Variants in GPC5 observed in about 807,000 individuals in gnomAD.
GPC5 encodes glypican-5.
In GPC5, 47 loss-of-function variants were observed where a neutral mutation model predicts 53.9. The observed-to-expected ratio is 0.87, with a 90% CI of 0.69 to 1.11. The LOEUF (loss-of-function observed/expected upper bound fraction) is 1.11. Among genes scored for constraint, GPC5 ranks in the 50% most tolerant of loss-of-function variants. GPC5 has a pLI of 0.00. For missense variants in GPC5, 748 were observed against 713.1 expected (o/e 1.05, Z -0.56); for synonymous variants, 286 against 263.3 (o/e 1.09, Z -0.84).
At chr13:92,632,485 T>TAC (rs1555297294) in intron 7 of GPC5, among the ~76,000 whole-genome samples, 2,988 of 137,610 alleles carry the variant, frequency 0.022, 131 homozygotes, top group African/African-American at 0.074. Context: ...TATATATATA[T>TAC]ACACATATAT....
intron 4 of GPC5, among the ~76,000 whole-genome samples, chr13:91,732,794 C>T (rs1005760950): frequency 2.0e-5 from 3 of 152,088 alleles, no homozygotes. Flanking sequence ...TTTCCCATTG[C>T]TTGTTTTTAT....
chr13:91,593,910 C>CT (rs2032898854), intron 2 of GPC5, among the ~76,000 whole-genome samples: 1 of 126,658 alleles, frequency 7.9e-6, no homozygotes, highest in African/African-American at 3.0e-5. Flanking sequence ...TCACAAAGAA[C>CT]TAAAAAAAAA....
chr13:92,129,666 A>G (rs1224595787), intron 6 of GPC5, among the ~76,000 whole-genome samples: 3 of 152,232 alleles, frequency 2.0e-5, no homozygotes, highest in African/African-American at 7.2e-5. Flanking sequence ...TAGACATTCT[A>G]AAACAGAAAT....
chr13:91,706,800 AAAG>A (rs1288915078), intron 3 of GPC5, among the ~76,000 whole-genome samples: 9 of 152,208 alleles, frequency 5.9e-5, no homozygotes, highest in African/African-American at 2.2e-4. Context: ...CAAAAACAAA[AAAG>A]AAAATGAAAA....
intron 7 of GPC5, among the ~76,000 whole-genome samples, chr13:92,681,854 T>C (rs577160073): frequency 3.3e-5 from 5 of 152,368 alleles, no homozygotes; most frequent in African/African-American, 1.2e-4. Flanking sequence ...TGTGGTGGAA[T>C]TCAGTCTTCA....
chr13:92,432,666 C>T (rs546881380), intron 7 of GPC5, among the ~76,000 whole-genome samples: 9 of 151,698 alleles, frequency 5.9e-5, no homozygotes, highest in Admixed American at 2.0e-4. Context: ...TGAGCCATGA[C>T]GCCTGGCCAT....
At chr13:92,209,002 A>T (rs936130921) in intron 7 of GPC5, among the ~76,000 whole-genome samples, 1 of 152,232 alleles carries the variant, frequency 6.6e-6, no homozygotes, top group Admixed American at 6.5e-5. Flanking sequence ...GTGAAAACTA[A>T]ACTAAAATAT....
intron 7 of GPC5, among the ~76,000 whole-genome samples, chr13:92,324,059 G>C (rs2043233900): frequency 1.3e-5 from 2 of 151,882 alleles, no homozygotes; most frequent in African/African-American, 4.8e-5. Flanking sequence ...GTCATGTCAA[G>C]TGTAACCTAT....
intron 1 of GPC5, among the ~76,000 whole-genome samples, chr13:91,437,540 T>C (rs1400193275): frequency 6.6e-6 from 1 of 152,240 alleles, no homozygotes; most frequent in Non-Finnish European, 1.5e-5. Context: ...CTTGTAGAGT[T>C]TCTGCCGAGA....
intron 2 of GPC5, among the ~76,000 whole-genome samples, chr13:91,514,526 T>A (rs1885394106): frequency 6.6e-6 from 1 of 152,182 alleles, no homozygotes. Context: ...CCTTTATGCA[T>A]TGGAGATACT....
intron 7 of GPC5, among the ~76,000 whole-genome samples, chr13:92,627,831 T>C (rs2139125757): frequency 6.6e-6 from 1 of 152,336 alleles, no homozygotes; most frequent in East Asian, 1.9e-4. Context: ...TTAATCAGTA[T>C]ATATTTCCCC....
chr13:92,516,892 T>C (rs1180903), intron 7 of GPC5, among the ~76,000 whole-genome samples: 100,380 of 151,942 alleles, frequency 0.66, 33,544 homozygotes, highest in East Asian at 0.75. Flanking sequence ...TCACTTCACC[T>C]GGGAAGCACA....
At chr13:92,717,155 T>C (rs1273996645) in intron 7 of GPC5, among the ~76,000 whole-genome samples, 1 of 152,102 alleles carries the variant, frequency 6.6e-6, no homozygotes, top group African/African-American at 2.4e-5. Context: ...ATTACATTCA[T>C]TGTTTCTATT....
chr13:91,638,042 G>C (rs945914807), intron 2 of GPC5, among the ~76,000 whole-genome samples: 4 of 152,208 alleles, frequency 2.6e-5, no homozygotes, highest in Non-Finnish European at 5.9e-5. Flanking sequence ...AAAAGGAAGA[G>C]CTCATGACAA....
At chr13:92,429,218 A>T (rs1050715988) in intron 7 of GPC5, among the ~76,000 whole-genome samples, 5 of 152,030 alleles carry the variant, frequency 3.3e-5, no homozygotes, top group Non-Finnish European at 7.4e-5. Flanking sequence ...CTATCATGAA[A>T]AACCATTCAA....
At chr13:92,784,735 C>T (rs1423949896) in intron 7 of GPC5, among the ~76,000 whole-genome samples, 1 of 152,024 alleles carries the variant, frequency 6.6e-6, no homozygotes, top group Non-Finnish European at 1.5e-5. Context: ...ATGATGCTTT[C>T]CACAAATCAA....
In GPC5 at chr13:92,335,238, C is replaced by T. The variant is rs1008478810; in HGVS notation, c.1561+190249C>T. Reference sequence around the variant, plus strand: ...AACCTCAAATCTTGTCATCTGTATACCTGCGAGACCCACACCACATGGAAG... The same window carrying T: ...AACCTCAAATCTTGTCATCTGTATATCTGCGAGACCCACACCACATGGAAG... On this transcript the variant is annotated intron_variant, in intron 7 of 7. Coordinates refer to ENST00000377067, the MANE Select transcript of GPC5 (RefSeq NM_004466.6). Among the ~76,000 whole-genome samples the T allele has an allele frequency of 3.9e-5, 6 of 152,240 alleles. No individual in the cohort carries two copies. In the East Asian group the frequency reaches 1.2e-3, roughly 30 times the overall value.
chr13:92,552,616 T>A (rs747555751), intron 7 of GPC5, among the ~76,000 whole-genome samples: 1 of 151,918 alleles, frequency 6.6e-6, no homozygotes, highest in Non-Finnish European at 1.5e-5. Flanking sequence ...CACTTTGAAT[T>A]AATTTTCTTT....
intron 6 of GPC5, among the ~76,000 whole-genome samples, chr13:91,963,272 A>G (rs2040143585): frequency 1.3e-5 from 2 of 152,160 alleles, no homozygotes; most frequent in Non-Finnish European, 2.9e-5. Flanking sequence ...TGCAGAAACT[A>G]TATGGAAAGC....
Sources: gnomAD v4.1 joint callset for allele counts (sites outside exome capture counted in the v4.1 genomes callset) on GRCh38, gnomAD v4.1.1 for gene constraint, MANE v1.5 for transcripts, NCBI Gene and HGNC (gene_info 2026-07-23, HGNC 2026-07-21) for gene names.